Variants in PTPRD observed in about 807,000 individuals in gnomAD.
PTPRD encodes the protein protein tyrosine phosphatase receptor type D, also known as receptor-type tyrosine-protein phosphatase delta.
Under a neutral mutation model 214.5 loss-of-function variants are expected in PTPRD, and 34 were observed. The ratio of observed to expected loss-of-function variants is 0.16; its 90% confidence interval spans 0.12 to 0.21. The LOEUF is 0.21. Among genes scored for constraint, PTPRD ranks in the 10% least tolerant of loss-of-function variants. PTPRD has a pLI of 1.00. For missense variants in PTPRD, 2,545 were observed against 2,398.7 expected (o/e 1.06, Z -1.27); for synonymous variants, 1,128 against 845.7 (o/e 1.33, Z -5.79).
chr9:9,775,847 T>C (rs868434193), intron 5 of PTPRD, among the ~76,000 whole-genome samples: 8 of 146,966 alleles, frequency 5.4e-5, no homozygotes, highest in Admixed American at 3.5e-4. Flanking sequence ...TCCCAGCTAC[T>C]TGGGAGGCTG....
intron 7 of PTPRD, among the ~76,000 whole-genome samples, chr9:9,631,602 GT>G (rs2095597988): frequency 6.6e-6 from 1 of 152,104 alleles, no homozygotes; most frequent in Admixed American, 6.6e-5. Context: ...AGTCAAGTAG[GT>G]TCAGCCTAAT....
intron 8 of PTPRD, among the ~76,000 whole-genome samples, chr9:9,419,168 C>A (rs185679662): frequency 6.4e-4 from 91 of 142,902 alleles, no homozygotes; most frequent in African/African-American, 2.2e-3. Flanking sequence ...CACACACAAG[C>A]ATGATATATA....
At chr9:8,569,364 G>A (rs2090428422) in intron 14 of PTPRD, among the ~76,000 whole-genome samples, 1 of 152,122 alleles carries the variant, frequency 6.6e-6, no homozygotes, top group Admixed American at 6.6e-5. Context: ...AATTATGAAT[G>A]CAGAAATTAA....
intron 5 of PTPRD, among the ~76,000 whole-genome samples, chr9:9,886,059 A>C (rs1026130422): frequency 1.3e-5 from 2 of 152,070 alleles, no homozygotes; most frequent in Non-Finnish European, 2.9e-5. Context: ...TGGACTCCTG[A>C]ACTGCTATGG....
At chr9:9,748,689 C>A (rs973443641) in intron 6 of PTPRD, among the ~76,000 whole-genome samples, 3 of 152,094 alleles carry the variant, frequency 2.0e-5, no homozygotes, top group Non-Finnish European at 2.9e-5. Context: ...TCTGGCTGAG[C>A]AAATAAAAAA....
In PTPRD at chr9:8,403,575, C is replaced by A. The variant is rs1291000365; in HGVS notation, c.4210+962G>T. Among the ~76,000 whole-genome samples the A allele has an allele frequency of 3.3e-5, 5 of 152,082 alleles. No individual in the cohort carries two copies. The East Asian group carries it at 5.8e-4, about 18-fold the overall frequency. On this transcript the variant is annotated intron_variant, in intron 36 of 45. Transcript: ENST00000381196. Reference sequence around the variant, plus strand: ...ATGAACTTCTAGTTGTTTTAATATGCCACACAAAAGGGATTTATCATTGGA... The same window carrying A: ...ATGAACTTCTAGTTGTTTTAATATGACACACAAAAGGGATTTATCATTGGA...
At chr9:9,484,575 T>C (rs1047428738) in intron 8 of PTPRD, among the ~76,000 whole-genome samples, 1 of 152,166 alleles carries the variant, frequency 6.6e-6, no homozygotes, top group Non-Finnish European at 1.5e-5. Flanking sequence ...ACAAACAACA[T>C]TTGTTTATGG....
chr9:9,689,549 A>G (rs2097226931), intron 7 of PTPRD, among the ~76,000 whole-genome samples: 1 of 151,794 alleles, frequency 6.6e-6, no homozygotes, highest in African/African-American at 2.4e-5. Flanking sequence ...TATTTTGACT[A>G]TAGTCACTCC....
chr9:8,317,761 G>A lies in PTPRD; in HGVS notation c.*113C>T. 1.2e-6 allele frequency: 1 copy of A among 834,896 alleles called. No individual in the cohort carries two copies. Among genetic ancestry groups the A allele is most frequent in the Non-Finnish European group, 2.0e-6 (1 of 500,944 alleles). 51.7% of individuals were successfully genotyped at this position (834,896 alleles called of 1,614,324 possible). A position where few individuals can be genotyped will look rare whatever the true frequency, so the allele number is the denominator to read the frequency against. ...GTTTTGTGTGTAATAGTCCCACTAAGTAGTTGTTAGCTAGAAGTTAAGAAG... is the reference window on the plus strand; with the variant it reads ...GTTTTGTGTGTAATAGTCCCACTAAATAGTTGTTAGCTAGAAGTTAAGAAG... On this transcript the variant is annotated 3_prime_UTR_variant, in exon 46 of 46. Coordinates refer to ENST00000381196, the MANE Select transcript of PTPRD (RefSeq NM_002839.4).
At chr9:10,011,577 G>C (rs1021836189) in intron 4 of PTPRD, among the ~76,000 whole-genome samples, 2 of 151,900 alleles carry the variant, frequency 1.3e-5, no homozygotes, top group Non-Finnish European at 2.9e-5. Flanking sequence ...CTTCCCTGCT[G>C]ATAAATACCC....
intron 10 of PTPRD, among the ~76,000 whole-genome samples, chr9:9,021,979 G>T (rs982466656): frequency 1.3e-5 from 2 of 151,806 alleles, no homozygotes; most frequent in African/African-American, 2.4e-5. Context: ...GTAGCGGGGT[G>T]GGGGGCAAGG....
intron 10 of PTPRD, among the ~76,000 whole-genome samples, chr9:9,080,139 A>G (rs886189229): frequency 1.3e-5 from 2 of 152,032 alleles, no homozygotes; most frequent in African/African-American, 4.8e-5. Flanking sequence ...TGAATGCATT[A>G]TATTACTCAT....
intron 9 of PTPRD, among the ~76,000 whole-genome samples, chr9:9,369,293 T>A (rs2058767103): frequency 6.6e-6 from 1 of 152,140 alleles, no homozygotes; most frequent in Non-Finnish European, 1.5e-5. Flanking sequence ...TTTTTAATGA[T>A]CACCATTCTA....
chr9:9,806,420 G>C (rs1371356350), intron 5 of PTPRD, among the ~76,000 whole-genome samples: 1 of 151,986 alleles, frequency 6.6e-6, no homozygotes, highest in Non-Finnish European at 1.5e-5. Context: ...TCCCATCCTT[G>C]TGAATGTATT....
intron 3 of PTPRD, among the ~76,000 whole-genome samples, chr9:10,227,164 C>T (rs1335261764): frequency 6.6e-6 from 1 of 151,974 alleles, no homozygotes; most frequent in Non-Finnish European, 1.5e-5. Context: ...AGGTATTTTT[C>T]ACGTGGCCAT....
chr9:10,565,591 T>G (rs1163335835), intron 2 of PTPRD, among the ~76,000 whole-genome samples: 2 of 152,078 alleles, frequency 1.3e-5, no homozygotes, highest in African/African-American at 4.8e-5. Flanking sequence ...GTATAAATTT[T>G]TAAACACACA....
intron 3 of PTPRD, among the ~76,000 whole-genome samples, chr9:10,149,603 G>A (rs1247503693): frequency 6.6e-6 from 1 of 151,970 alleles, no homozygotes; most frequent in Non-Finnish European, 1.5e-5. Flanking sequence ...TAGACCTTTG[G>A]TATATTCATT....
chr9:10,430,495 A>C (rs979924650), intron 2 of PTPRD, among the ~76,000 whole-genome samples: 1 of 151,926 alleles, frequency 6.6e-6, no homozygotes, highest in African/African-American at 2.4e-5. Flanking sequence ...AATGCCTATA[A>C]TTTAGAAAAT....
chr9:8,417,986 G>A lies in PTPRD; in HGVS notation c.4087-13326C>T, dbSNP rs10977072. Among the ~76,000 whole-genome samples the A allele has an allele frequency of 2.6e-3, 392 of 152,188 alleles. 4 individuals are homozygous for A. The East Asian group carries it at 0.041, about 16-fold the overall frequency. ...TCTGTGTCTACATTTGACTTATTTTGTATTATGTTGCTTCCTGTACTGATT... is the reference window on the plus strand; with the variant it reads ...TCTGTGTCTACATTTGACTTATTTTATATTATGTTGCTTCCTGTACTGATT... On this transcript the variant is annotated intron_variant, in intron 35 of 45. Transcript: ENST00000381196.
Sources: allele counts gnomAD v4.1 joint callset (sites outside exome capture counted in the v4.1 genomes callset), GRCh38; gene constraint gnomAD v4.1.1; transcripts MANE v1.5; gene names NCBI Gene and HGNC (gene_info 2026-07-23, HGNC 2026-07-21).